DTNB: variants seen among roughly 807,000 people sequenced by gnomAD.
The protein encoded by DTNB is dystrobrevin beta, also known as DTN-B.
In DTNB, 63 loss-of-function variants were observed where a neutral mutation model predicts 90.7. The ratio of observed to expected loss-of-function variants is 0.69; its 90% CI spans 0.57 to 0.86. DTNB has a LOEUF of 0.86. Among genes scored for constraint, DTNB ranks in the 40% least tolerant of loss-of-function variants. DTNB has a pLI of 0.00. For synonymous variants in DTNB, 277 were observed against 286.7 expected, an observed-to-expected ratio of 0.97 and a Z score of 0.34; for missense variants, 744 against 807.1, an observed-to-expected ratio of 0.92 and a Z score of 0.95.
intron 2 of DTNB, among the ~76,000 whole-genome samples, chr2:25,646,117 T>C (rs772404231): frequency 5.5e-4 from 84 of 152,190 alleles, no homozygotes; most frequent in Admixed American, 1.3e-3. Context: ...TGATAGGAAG[T>C]TGGGATCAAA....
intron 8 of DTNB, among the ~76,000 whole-genome samples, chr2:25,534,045 G>C (rs1281154854): frequency 1.3e-5 from 2 of 150,840 alleles, no homozygotes; most frequent in African/African-American, 2.4e-5. Flanking sequence ...GTGTTTCTCA[G>C]AGAGGGGGAT....
chr2:25,445,215 C>A (rs2058212095), intron 12 of DTNB, among the ~76,000 whole-genome samples: 1 of 152,112 alleles, frequency 6.6e-6, no homozygotes, highest in Non-Finnish European at 1.5e-5. Context: ...CCCATCTCAA[C>A]AAGTTTATTT....
Position 25,433,729 on chromosome 2 carries a change from A to G in DTNB, c.1343+181T>C, listed in dbSNP as rs547182620. On this transcript the variant is annotated intron_variant, in intron 13 of 20. Coordinates refer to ENST00000406818, the MANE Select transcript of DTNB (RefSeq NM_021907.5). ...AGAGCTGTGGACTACCAGAATCAACAGCATGCAGACAGACACAAATCAGCG... is the reference window on the plus strand; with the variant it reads ...AGAGCTGTGGACTACCAGAATCAACGGCATGCAGACAGACACAAATCAGCG... 2.9e-4 allele frequency among the ~76,000 whole-genome samples: 44 copies of G among 152,276 alleles called. No individual in the cohort carries two copies. The East Asian group carries it at 8.3e-3, about 29-fold the overall frequency.
At chr2:25,580,091 C>A (rs2061339967) in intron 7 of DTNB, among the ~76,000 whole-genome samples, 1 of 150,858 alleles carries the variant, frequency 6.6e-6, no homozygotes, top group African/African-American at 2.4e-5. Flanking sequence ...AAGCAATTCT[C>A]CTGCCTCAGC....
chr2:25,477,294 T>C (rs965460684), intron 10 of DTNB, among the ~76,000 whole-genome samples: 2 of 152,228 alleles, frequency 1.3e-5, no homozygotes, highest in African/African-American at 4.8e-5. Flanking sequence ...TACACTTTAT[T>C]GCGGTGGTCT....
chr2:25,665,683 C>A (rs974235749), intron 1 of DTNB, among the ~76,000 whole-genome samples: 1 of 151,296 alleles, frequency 6.6e-6, no homozygotes, highest in African/African-American at 2.4e-5. Flanking sequence ...TTACAACAAG[C>A]CAAACTTTAT....
chr2:25,556,531 C>T (rs1196684603), intron 8 of DTNB, among the ~76,000 whole-genome samples: 1 of 152,038 alleles, frequency 6.6e-6, no homozygotes, highest in Non-Finnish European at 1.5e-5. Flanking sequence ...CTTCAATAAA[C>T]GTTGATTATG....
intron 19 of DTNB, 183 bp downstream of exon 19, chr2:25,383,653 T>G: frequency 2.3e-6 from 3 of 1,327,076 alleles, no homozygotes; most frequent in Non-Finnish European, 3.0e-6. Context: ...GGTGATCGAC[T>G]GACCTTGTCA....
At chr2:25,537,247 A>G (rs1196485028) in intron 8 of DTNB, among the ~76,000 whole-genome samples, 1 of 152,132 alleles carries the variant, frequency 6.6e-6, no homozygotes, top group Non-Finnish European at 1.5e-5. Context: ...CATCAAAGAG[A>G]ACACCTTACT....
chr2:25,541,907 C>T (rs998463616), intron 8 of DTNB, among the ~76,000 whole-genome samples: 5 of 152,108 alleles, frequency 3.3e-5, no homozygotes, highest in South Asian at 2.1e-4. Context: ...TTCTTAGGGT[C>T]GCCAATAAAA....
chr2:25,664,239 T>C (rs908360924), intron 1 of DTNB, among the ~76,000 whole-genome samples: 8 of 152,216 alleles, frequency 5.3e-5, no homozygotes, highest in African/African-American at 1.9e-4. Flanking sequence ...ACTGACAAGT[T>C]CATAATATAA....
chr2:25,440,604 G>A (rs2057149278), intron 12 of DTNB, among the ~76,000 whole-genome samples: 1 of 152,204 alleles, frequency 6.6e-6, no homozygotes, highest in Non-Finnish European at 1.5e-5. Flanking sequence ...AAATATACAT[G>A]AGGACATGCA....
chr2:25,615,870 A>G (rs1025860384), intron 4 of DTNB, among the ~76,000 whole-genome samples: 11 of 152,244 alleles, frequency 7.2e-5, no homozygotes, highest in Admixed American at 2.0e-4. Flanking sequence ...TATGAGAATA[A>G]AGATACTATT....
rs186722973 is a variant in DTNB, at chr2:25,561,248, C to T, written c.876+15590G>A. The stretch of plus-strand genomic sequence containing the variant: ...ATTTTCTTTGCACACACTCAACACC[C>T]CCCTCCTTGCCACTTCTCTTCCTTC... On this transcript the variant is annotated intron_variant, in intron 8 of 20. Transcript: ENST00000406818. Among the ~76,000 whole-genome samples, 6 of 152,254 alleles carry T rather than the reference C, an allele frequency of 3.9e-5. No homozygotes were observed. In the East Asian group the frequency reaches 1.2e-3, roughly 29 times the overall value.
At chr2:25,608,581 A>G (rs142450942) in intron 4 of DTNB, among the ~76,000 whole-genome samples, 178 of 152,354 alleles carry the variant, frequency 1.2e-3, no homozygotes, top group African/African-American at 4.2e-3. Context: ...CCTGCATCAA[A>G]TATCTACTGC....
Position 25,633,480 on chromosome 2 carries a change from G to C in DTNB, c.149-5096C>G, listed in dbSNP as rs2148769155. 2.0e-5 allele frequency among the ~76,000 whole-genome samples: 3 copies of C among 152,246 alleles called. No individual in the cohort carries two copies. The South Asian group carries it at 6.2e-4, about 32-fold the overall frequency. On this transcript the variant is annotated intron_variant, in intron 3 of 20. Coordinates refer to ENST00000406818, the MANE Select transcript of DTNB (RefSeq NM_021907.5). Reference sequence around the variant, plus strand: ...TTCACTCAGCGCTCAATGGTGCCCAGGCTGGAGTGCAGTGGCGTGATCTCG... The same window carrying C: ...TTCACTCAGCGCTCAATGGTGCCCACGCTGGAGTGCAGTGGCGTGATCTCG...
chr2:25,651,156 T>C (rs974168215), intron 2 of DTNB, among the ~76,000 whole-genome samples: 8 of 152,218 alleles, frequency 5.3e-5, no homozygotes, highest in Non-Finnish European at 1.0e-4. Context: ...ATGTACTACT[T>C]ACTTCATACT....
At chr2:25,533,925 A>AATTTTT (rs1325419693) in intron 8 of DTNB, among the ~76,000 whole-genome samples, 1 of 151,356 alleles carries the variant, frequency 6.6e-6, no homozygotes, top group Admixed American at 6.6e-5. Context: ...GCTACACTGC[A>AATTTTT]ATTTTTATTT....
At chr2:25,531,866 T>C (rs963489754) in intron 8 of DTNB, among the ~76,000 whole-genome samples, 3 of 152,334 alleles carry the variant, frequency 2.0e-5, no homozygotes, top group South Asian at 2.1e-4. Context: ...GACATCTCTA[T>C]GTACTCTTGG....
Sources: allele counts gnomAD v4.1 joint callset (sites outside exome capture counted in the v4.1 genomes callset), GRCh38; gene constraint gnomAD v4.1.1; transcripts MANE v1.5; gene names NCBI Gene and HGNC (gene_info 2026-07-23, HGNC 2026-07-21).